The following NOSTRIN variants were observed in gnomAD, a reference collection of about 807,000 sequenced individuals.
NOSTRIN encodes nitric oxide synthase trafficking.
In NOSTRIN, 63 loss-of-function variants were observed where a neutral mutation model predicts 59.0. The ratio of observed to expected loss-of-function variants is 1.07; its 90% CI spans 0.87 to 1.32. NOSTRIN has a LOEUF of 1.32. Among genes scored for constraint, NOSTRIN ranks in the 40% most tolerant of loss-of-function variants. The pLI is 0.00. For missense variants in NOSTRIN, 512 were observed against 473.1 expected, an observed-to-expected ratio of 1.08 and a Z score of -0.76; for synonymous variants, 200 against 165.4, an observed-to-expected ratio of 1.21 and a Z score of -1.61.
upstream of NOSTRIN, among the ~76,000 whole-genome samples, chr2:168,798,414 T>C (rs1685536683): frequency 6.6e-6 from 1 of 152,180 alleles, no homozygotes; most frequent in African/African-American, 2.4e-5. Context: ...CACCCAATAT[T>C]TGTTTGTGAA....
At chr2:168,859,824 T>C (rs1442954753) in intron 13 of NOSTRIN, among the ~76,000 whole-genome samples, 187 bp downstream of exon 13, 1 of 152,226 alleles carries the variant, frequency 6.6e-6, no homozygotes, top group South Asian at 2.1e-4. Flanking sequence ...CAAAACCGAA[T>C]ACATTCTGTG....
At chr2:168,829,445 C>T (rs891459742) in intron 5 of NOSTRIN, among the ~76,000 whole-genome samples, 9 of 151,996 alleles carry the variant, frequency 5.9e-5, no homozygotes, top group African/African-American at 2.2e-4. Flanking sequence ...CTCAGCCTCT[C>T]GAGTAGCTGA....
At chr2:168,787,558 C>G (rs1180972440) in intron 1 of NOSTRIN, among the ~76,000 whole-genome samples, 1 of 152,212 alleles carries the variant, frequency 6.6e-6, no homozygotes, top group Non-Finnish European at 1.5e-5. Context: ...ACGGCCTTCC[C>G]CACTGGACTC....
At chr2:168,831,428 C>G in intron 5 of NOSTRIN, 44 bp from the exon 6 acceptor site, 1 of 847,540 alleles carries the variant, frequency 1.2e-6, no homozygotes, top group Non-Finnish European at 2.1e-6. Context: ...AGCAACTAAA[C>G]AAGAAGAAAG....
At chr2:168,811,531 G>T (rs770628575) in intron 1 of NOSTRIN, 36 bp from the exon 2 acceptor site, 1 of 739,254 alleles carries the variant, frequency 1.4e-6, no homozygotes, top group Non-Finnish European at 2.4e-6. Flanking sequence ...TAATCTTCCT[G>T]TTCATTGTTT....
intron 7 of NOSTRIN, among the ~76,000 whole-genome samples, chr2:168,839,547 G>A (rs1430185566): frequency 6.6e-6 from 1 of 152,124 alleles, no homozygotes; most frequent in Non-Finnish European, 1.5e-5. Flanking sequence ...AGCAAAAAAA[G>A]GGACGAAAGG....
chr2:168,789,552 A>G (rs972151601), intron 2 of NOSTRIN, among the ~76,000 whole-genome samples: 3 of 152,194 alleles, frequency 2.0e-5, no homozygotes, highest in Admixed American at 6.5e-5. Flanking sequence ...GATTGTTACA[A>G]TTCAAGGTGA....
chr2:168,814,302 A>G (rs185361778), intron 2 of NOSTRIN, among the ~76,000 whole-genome samples: 3 of 152,204 alleles, frequency 2.0e-5, no homozygotes, highest in Admixed American at 6.5e-5. Flanking sequence ...AACCATATCA[A>G]CAAGGATGGA....
upstream of NOSTRIN, among the ~76,000 whole-genome samples, chr2:168,795,533 A>G (rs1415615027): frequency 6.6e-6 from 1 of 152,196 alleles, no homozygotes; most frequent in Non-Finnish European, 1.5e-5. Flanking sequence ...AACTTGTTTT[A>G]TGCAAACTAA....
intron 7 of NOSTRIN, among the ~76,000 whole-genome samples, chr2:168,841,235 CAAAAAAAAAAAAAAA>C (rs57480764): frequency 6.6e-5 from 7 of 106,574 alleles, no homozygotes; most frequent in Admixed American, 1.0e-4. Flanking sequence ...ACCCTGTCTC[CAAAAAAAAAAAAAAA>C]AAAAAAAAAA....
chr2:168,850,627 G>T (rs1231696955), intron 8 of NOSTRIN, among the ~76,000 whole-genome samples: 3 of 149,254 alleles, frequency 2.0e-5, no homozygotes, highest in Non-Finnish European at 4.4e-5. Flanking sequence ...TAAAAACAAG[G>T]CCTGGCTAGG....
chr2:168,801,499 A>C (rs147594735), upstream of NOSTRIN, among the ~76,000 whole-genome samples: 1 of 152,148 alleles, frequency 6.6e-6, no homozygotes, highest in Non-Finnish European at 1.5e-5. Context: ...CTTGGATTAC[A>C]TGCATGAGCC....
rs77917659 is a variant in NOSTRIN, at chr2:168,834,802, A to G, written c.504+477A>G. 8.0e-3 allele frequency among the ~76,000 whole-genome samples: 1,219 copies of G among 152,242 alleles called. 23 individuals carry two copies. The highest frequency in any genetic ancestry group is 0.027 in the African/African-American group (1,136 of 41,556). On this transcript the variant is annotated intron_variant, in intron 7 of 15. Transcript: ENST00000317647. Reference sequence around the variant, plus strand: ...ATATCTTAAAAAAACCTCTCAGCTAATACCCCAAATAAGTAAAAATAAATA... The same window carrying G: ...ATATCTTAAAAAAACCTCTCAGCTAGTACCCCAAATAAGTAAAAATAAATA...
intron 3 of NOSTRIN, among the ~76,000 whole-genome samples, chr2:168,826,466 C>T (rs1327546229): frequency 6.6e-6 from 1 of 151,854 alleles, no homozygotes; most frequent in Non-Finnish European, 1.5e-5. Flanking sequence ...TCCTCCCTTG[C>T]TTCCTTCGTT....
chr2:168,820,546 A>T (rs1249104620), intron 2 of NOSTRIN, among the ~76,000 whole-genome samples: 1 of 152,052 alleles, frequency 6.6e-6, no homozygotes, highest in Non-Finnish European at 1.5e-5. Context: ...CCTGTATACC[A>T]TGCTATAAAC....
At chr2:168,833,519 T>G (rs1574295094) in intron 6 of NOSTRIN, among the ~76,000 whole-genome samples, 1 of 152,210 alleles carries the variant, frequency 6.6e-6, no homozygotes, top group Non-Finnish European at 1.5e-5. Flanking sequence ...TAAATCCAAC[T>G]TAAACCAAAT....
intron 2 of NOSTRIN, among the ~76,000 whole-genome samples, chr2:168,819,957 C>A (rs973890215): frequency 1.3e-5 from 2 of 152,184 alleles, no homozygotes; most frequent in Admixed American, 1.3e-4. Context: ...TTGGAACAGG[C>A]CTGGAAGCTC....
chr2:168,822,198 T>A (rs1686782750), intron 2 of NOSTRIN, among the ~76,000 whole-genome samples: 1 of 152,246 alleles, frequency 6.6e-6, no homozygotes, highest in African/African-American at 2.4e-5. Context: ...GGCTTCATTG[T>A]CTCAAAATAC....
chr2:168,856,804 T>G, intron 12 of NOSTRIN, 26 bp downstream of exon 12: 1 of 1,598,648 alleles, frequency 6.3e-7, no homozygotes, highest in Non-Finnish European at 8.6e-7. Context: ...GTGCATTTCC[T>G]AGATGTAGTG....
Sources: gnomAD v4.1 joint callset for allele counts (sites outside exome capture counted in the v4.1 genomes callset) on GRCh38, gnomAD v4.1.1 for gene constraint, MANE v1.5 for transcripts, NCBI Gene and HGNC (gene_info 2026-07-23, HGNC 2026-07-21) for gene names.